TMEM182: variants seen among roughly 807,000 people sequenced by gnomAD.
The protein encoded by TMEM182 is transmembrane protein 182.
In TMEM182, 20 loss-of-function variants were observed where a neutral mutation model predicts 26.8. The observed-to-expected ratio is 0.75, with a 90% confidence interval of 0.53 to 1.09. The LOEUF (loss-of-function observed/expected upper bound fraction) is 1.09, where lower values mean the gene tolerates loss of function less well. Ranked by LOEUF, TMEM182 falls within the 50% of genes least tolerant of loss-of-function variation. The probability of loss-of-function intolerance (pLI) is 0.00; values close to 1 mark genes in which losing one functional copy is unlikely to be tolerated. For synonymous variants in TMEM182, 109 were observed against 102.2 expected, an observed-to-expected ratio of 1.07 and a Z score of -0.40; for missense variants, 277 against 275.5, an observed-to-expected ratio of 1.01 and a Z score of -0.04.
At chr2:102,761,045 G>A (rs531456298), upstream of TMEM182, among the ~76,000 whole-genome samples, 5 of 152,310 alleles carry the variant, frequency 3.3e-5, no homozygotes, top group East Asian at 9.6e-4. Flanking sequence ...AAAGCTGGTA[G>A]AGTTGAGATG....
intron 1 of TMEM182, among the ~76,000 whole-genome samples, chr2:102,739,366 G>A (rs951785227): frequency 8.5e-5 from 13 of 152,244 alleles, no homozygotes; most frequent in Admixed American, 3.3e-4. Context: ...GATGTATAGC[G>A]TTCATATGGG....
chr2:102,816,909 T>G lies in TMEM182; in HGVS notation c.*1941T>G. 1.0e-6 allele frequency: 1 copy of G among 985,730 alleles called. No homozygotes were observed. Among genetic ancestry groups the G allele is most frequent in the Non-Finnish European group, 1.2e-6 (1 of 829,814 alleles). The allele number at this position is 985,730 out of a possible 1,614,324, so 61.1% of individuals were successfully genotyped here. A position where few individuals can be genotyped will look rare whatever the true frequency, so the allele number is the denominator to read the frequency against. The stretch of plus-strand genomic sequence containing the variant: ...CGGCAAAGGCTTGAATATTTATAAA[T>G]TTCAGATGGTTATCCTCACTTTATA... On this transcript the variant is annotated 3_prime_UTR_variant, in exon 5 of 5. Coordinates refer to ENST00000412401, the MANE Select transcript of TMEM182 (RefSeq NM_144632.5).
intron 3 of TMEM182, among the ~76,000 whole-genome samples, chr2:102,789,850 G>A (rs375372013): frequency 1.3e-5 from 2 of 151,992 alleles, no homozygotes; most frequent in Non-Finnish European, 2.9e-5. Flanking sequence ...TCATCCACCC[G>A]GTGGCAGCCG....
At chr2:102,737,809 T>C (rs759346557) in intron 1 of TMEM182, among the ~76,000 whole-genome samples, 10 of 152,220 alleles carry the variant, frequency 6.6e-5, no homozygotes, top group Non-Finnish European at 1.0e-4. Context: ...GACTAGCCCC[T>C]CTTTTCTTTA....
At chr2:102,832,414 T>A (rs966661134) in intron 3 of TMEM182, among the ~76,000 whole-genome samples, 1 of 152,230 alleles carries the variant, frequency 6.6e-6, no homozygotes, top group African/African-American at 2.4e-5. Flanking sequence ...GCCTTGAGTA[T>A]CATTCTTTGA....
chr2:102,820,634 G>A (rs1214149209), downstream of TMEM182, among the ~76,000 whole-genome samples: 1 of 152,182 alleles, frequency 6.6e-6, no homozygotes, highest in Non-Finnish European at 1.5e-5. Flanking sequence ...AAGGATTTCA[G>A]GGAGAAGGGA....
chr2:102,779,250 T>G lies in TMEM182; in HGVS notation c.331+14823T>G, dbSNP rs566908598. ...TGTTCCTCCATCCCTGCTTTCAGGA[T>G]TTTTCTTTGCCTTTAGTTTTAAGAA... On this transcript the variant is annotated intron_variant, in intron 3 of 4. Coordinates refer to ENST00000412401, the MANE Select transcript of TMEM182 (RefSeq NM_144632.5). Among the ~76,000 whole-genome samples the G allele has an allele frequency of 2.6e-5, 4 of 152,328 alleles. No individual in the cohort carries two copies. The South Asian group carries it at 8.3e-4, about 32-fold the overall frequency.
chr2:102,812,225 T>C (rs548343068), intron 4 of TMEM182, among the ~76,000 whole-genome samples: 3 of 152,310 alleles, frequency 2.0e-5, no homozygotes, highest in Admixed American at 2.0e-4. Context: ...ATTTGATCAG[T>C]CTACCTGAAT....
chr2:102,835,442 T>G (rs1683226311), intron 3 of TMEM182, among the ~76,000 whole-genome samples: 1 of 152,142 alleles, frequency 6.6e-6, no homozygotes, highest in Non-Finnish European at 1.5e-5. Flanking sequence ...TTCTTACAAT[T>G]TATGAGCCTT....
intron 3 of TMEM182, among the ~76,000 whole-genome samples, chr2:102,838,643 G>T (rs1683292711): frequency 6.6e-6 from 1 of 152,158 alleles, no homozygotes; most frequent in African/African-American, 2.4e-5. Context: ...GAAAACACTT[G>T]GGGCAAATGT....
At chr2:102,829,198 C>T (rs574084136) in intron 3 of TMEM182, among the ~76,000 whole-genome samples, 118 of 152,232 alleles carry the variant, frequency 7.8e-4, no homozygotes, top group Non-Finnish European at 1.1e-3. Flanking sequence ...TCATGTATTT[C>T]GACAGTGATG....
intron 3 of TMEM182, among the ~76,000 whole-genome samples, chr2:102,778,492 A>G (rs1315153018): frequency 5.3e-5 from 8 of 151,934 alleles, no homozygotes; most frequent in Non-Finnish European, 1.2e-4. Context: ...TATTTAGACC[A>G]TTTATATTTA....
At chr2:102,760,814 C>T (rs909166828), upstream of TMEM182, among the ~76,000 whole-genome samples, 5 of 151,998 alleles carry the variant, frequency 3.3e-5, no homozygotes, top group African/African-American at 9.7e-5. Context: ...TGGGGTTTCA[C>T]CATGTTGGCT....
chr2:102,791,278 T>C (rs1681623765), intron 3 of TMEM182, among the ~76,000 whole-genome samples: 1 of 152,190 alleles, frequency 6.6e-6, no homozygotes, highest in Non-Finnish European at 1.5e-5. Context: ...CTCAAATAAT[T>C]ACTAGAAAAT....
At chr2:102,814,014 T>C (rs1199090061) in intron 4 of TMEM182, among the ~76,000 whole-genome samples, 1 of 152,004 alleles carries the variant, frequency 6.6e-6, no homozygotes, top group Non-Finnish European at 1.5e-5. Context: ...ACACAAAATC[T>C]TTTATCATCA....
At chr2:102,757,811 G>T (rs1220100400), upstream of TMEM182, among the ~76,000 whole-genome samples, 1 of 152,166 alleles carries the variant, frequency 6.6e-6, no homozygotes, top group African/African-American at 2.4e-5. Flanking sequence ...AAACATGACT[G>T]GGAAGCCTCA....
chr2:102,772,221 G>T (rs975281025), intron 3 of TMEM182, among the ~76,000 whole-genome samples: 1 of 152,298 alleles, frequency 6.6e-6, no homozygotes, highest in Admixed American at 6.5e-5. Context: ...TTAGGAGAGA[G>T]CATCAACTAG....
intron 4 of TMEM182, among the ~76,000 whole-genome samples, chr2:102,800,504 C>T (rs903420726): frequency 3.3e-5 from 5 of 152,096 alleles, no homozygotes; most frequent in African/African-American, 7.2e-5. Flanking sequence ...TAAAACTGAG[C>T]ATCTTCTTGG....
At chr2:102,755,985 A>C (rs1680019083) in intron 1 of TMEM182, among the ~76,000 whole-genome samples, 2 of 152,230 alleles carry the variant, frequency 1.3e-5, no homozygotes, top group African/African-American at 4.8e-5. Flanking sequence ...TGTAGTTCAT[A>C]GTAGGCACTT....
Sources: gnomAD v4.1 joint callset for allele counts (sites outside exome capture counted in the v4.1 genomes callset) on GRCh38, gnomAD v4.1.1 for gene constraint, MANE v1.5 for transcripts, NCBI Gene and HGNC (gene_info 2026-07-23, HGNC 2026-07-21) for gene names.